ARFGEF3: variants seen among roughly 807,000 people sequenced by gnomAD.
ARFGEF3 encodes ARFGEF family member 3, also known as brefeldin A-inhibited guanine nucleotide-exchange protein 3.
Under a neutral mutation model 221.7 loss-of-function variants are expected in ARFGEF3, and 96 were observed. The observed-to-expected ratio is 0.43, with a 90% CI of 0.37 to 0.51. The LOEUF (loss-of-function observed/expected upper bound fraction) is 0.51. ARFGEF3 is among the 20% of genes least tolerant of loss of function. The pLI is 0.00. For missense variants in ARFGEF3, 2,410 were observed against 2,789.9 expected (o/e 0.86, Z 3.07); for synonymous variants, 1,145 against 1,126.8 (o/e 1.02, Z -0.32).
intron 31 of ARFGEF3, among the ~76,000 whole-genome samples, chr6:138,327,171 T>A (rs1475072009): frequency 6.6e-6 from 1 of 152,160 alleles, no homozygotes; most frequent in East Asian, 1.9e-4. Context: ...AATACCTGGG[T>A]GATGGGATGA....
intron 2 of ARFGEF3, among the ~76,000 whole-genome samples, chr6:138,206,183 A>G (rs2114492068): frequency 6.6e-6 from 1 of 152,364 alleles, no homozygotes; most frequent in South Asian, 2.1e-4. Context: ...GTAACTCCAT[A>G]GGGAAATAAT....
At chr6:138,279,482 A>T (rs1356397137) in intron 13 of ARFGEF3, among the ~76,000 whole-genome samples, 1 of 152,220 alleles carries the variant, frequency 6.6e-6, no homozygotes, top group African/African-American at 2.4e-5. Context: ...GGAGCAAGCC[A>T]CTCCATGGTG....
intron 5 of ARFGEF3, among the ~76,000 whole-genome samples, chr6:138,237,165 A>G (rs1778302299): frequency 6.6e-6 from 1 of 152,210 alleles, no homozygotes; most frequent in African/African-American, 2.4e-5. Context: ...GAGGCCTGGC[A>G]GAAAATTCTC....
chr6:138,218,830 C>A (rs9389573), intron 4 of ARFGEF3, among the ~76,000 whole-genome samples: 12,640 of 152,020 alleles, frequency 0.083, 801 homozygotes, highest in East Asian at 0.36. Flanking sequence ...TGGGGCATAC[C>A]AATGAAATTT....
Position 138,287,143 on chromosome 6 carries a change from A to C in ARFGEF3, c.2855A>C (p.Glu952Ala), listed in dbSNP as rs1312551668. 6.4e-7 allele frequency: 1 copy of C among 1,573,782 alleles called. No individual in the cohort carries two copies. Among genetic ancestry groups the C allele is most frequent in the Non-Finnish European group, 8.6e-7 (1 of 1,159,242 alleles). The change falls in exon 17 of 34, where the codon GAA becomes GCA. Residue 952 changes from glutamate to alanine, a missense_variant. This residue lies in a region of ARFGEF3 where 594 missense variants were observed against 734.3 expected (regional missense o/e 0.81). Coordinates refer to ENST00000251691, the MANE Select transcript of ARFGEF3 (RefSeq NM_020340.5). ...AAASCVQEEK[E>A]EREAQEPSDA... is the part of the protein sequence containing the mutation. The stretch of plus-strand genomic sequence containing the variant: ...GCCTCCTGTGTCCAAGAAGAAAAAG[A>C]AGAGAGGGAGGCCCAAGAACCCAGT...
chr6:138,269,323 G>A (rs556155599), intron 12 of ARFGEF3, among the ~76,000 whole-genome samples: 15 of 152,256 alleles, frequency 9.9e-5, no homozygotes, highest in Non-Finnish European at 1.9e-4. Context: ...AACCAGGAAG[G>A]CATTTATGCC....
At chr6:138,278,817 G>A (rs530146723) in intron 13 of ARFGEF3, among the ~76,000 whole-genome samples, 200 bp downstream of exon 13, 6 of 152,274 alleles carry the variant, frequency 3.9e-5, no homozygotes, top group African/African-American at 9.6e-5. Flanking sequence ...GCCCAGCACC[G>A]TGAGCACAGA....
chr6:138,200,674 T>G (rs1777518538), intron 2 of ARFGEF3, among the ~76,000 whole-genome samples: 1 of 151,912 alleles, frequency 6.6e-6, no homozygotes, highest in African/African-American at 2.4e-5. Context: ...AAAAATCAAC[T>G]CAAGATAGAT....
chr6:138,233,037 G>A (rs982382929), intron 5 of ARFGEF3, among the ~76,000 whole-genome samples: 6 of 152,178 alleles, frequency 3.9e-5, no homozygotes, highest in East Asian at 1.9e-4. Flanking sequence ...GACCTTTACC[G>A]AGGCATTTAG....
intron 4 of ARFGEF3, among the ~76,000 whole-genome samples, chr6:138,212,456 G>A (rs1320415899): frequency 6.6e-6 from 1 of 152,234 alleles, no homozygotes; most frequent in African/African-American, 2.4e-5. Context: ...GGAAGACAGT[G>A]TGGCAATTCC....
intron 7 of ARFGEF3, among the ~76,000 whole-genome samples, chr6:138,243,965 C>T (rs1778439029): frequency 6.6e-6 from 1 of 152,052 alleles, no homozygotes. Flanking sequence ...TCTTCCTTTC[C>T]TCTTTTTGGC....
chr6:138,165,103 A>AG (rs1776698140), intron 1 of ARFGEF3, among the ~76,000 whole-genome samples: 1 of 147,458 alleles, frequency 6.8e-6, no homozygotes, highest in Non-Finnish European at 1.5e-5. Context: ...CCTAGGAGAG[A>AG]GAGGTCATCC....
chr6:138,172,380 G>A (rs1351101342), intron 2 of ARFGEF3, among the ~76,000 whole-genome samples: 1 of 152,088 alleles, frequency 6.6e-6, no homozygotes, highest in Non-Finnish European at 1.5e-5. Flanking sequence ...ACCTTTAACT[G>A]TCACTCTGCT....
At chr6:138,212,372 T>A (rs1009942415) in intron 4 of ARFGEF3, among the ~76,000 whole-genome samples, 6 of 152,010 alleles carry the variant, frequency 3.9e-5, no homozygotes, top group African/African-American at 1.2e-4. Context: ...TACAAAAAAA[T>A]AAAAAAAGTT....
At chr6:138,304,120 A>T (rs1434668511) in intron 22 of ARFGEF3, among the ~76,000 whole-genome samples, 2 of 152,212 alleles carry the variant, frequency 1.3e-5, no homozygotes, top group Non-Finnish European at 2.9e-5. Context: ...TAATGAATAT[A>T]TACATTAAAT....
chr6:138,291,735 T>A lies in ARFGEF3; in HGVS notation c.3050T>A (p.Val1017Glu). 2.2e-6 allele frequency: 3 copies of A among 1,377,740 alleles called. No homozygotes were observed. Among genetic ancestry groups the A allele is most frequent in the Non-Finnish European group, 2.8e-6 (3 of 1,059,030 alleles). 85.3% of individuals were successfully genotyped at this position (1,377,740 alleles called of 1,614,324 possible). A position where few individuals can be genotyped will look rare whatever the true frequency, so the allele number is the denominator to read the frequency against. ...CTGCTTGTCTGTGCTCTTTCTAGGG[T>A]GTGTGAATACGTGGGCACCCTGGAG... is the stretch of plus-strand genomic sequence containing the variant. ...NPDCWPHVFR[V>E]CEYVGTLEHN... The change falls in exon 19 of 34, where the codon GTG becomes GAG. Residue 1017 changes from valine to glutamate, a missense_variant and splice_region_variant. Transcript: ENST00000251691. This position sits in a 1 kb window ranked among gnomAD's most constrained non-coding sequence, Gnocchi z 4.5.
rs538058772 is a variant in ARFGEF3, at chr6:138,337,159, A to T, written c.*673A>T. 2.6e-5 allele frequency: 4 copies of T among 152,802 alleles called. No homozygotes were observed. Among genetic ancestry groups the T allele is most frequent in the African/African-American group, 9.6e-5 (4 of 41,590 alleles). 9.5% of individuals were successfully genotyped at this position (152,802 alleles called of 1,614,324 possible). ...TTTATTTCTGTATTTCTAAAAGAAGAAAGTTCTTTCCTAGCAGGGTTTGAA... is the reference window on the plus strand; with the variant it reads ...TTTATTTCTGTATTTCTAAAAGAAGTAAGTTCTTTCCTAGCAGGGTTTGAA... On this transcript the variant is annotated 3_prime_UTR_variant, in exon 34 of 34. Coordinates refer to ENST00000251691, the MANE Select transcript of ARFGEF3 (RefSeq NM_020340.5).
intron 2 of ARFGEF3, among the ~76,000 whole-genome samples, chr6:138,175,856 A>G (rs1776934999): frequency 6.6e-6 from 1 of 152,136 alleles, no homozygotes; most frequent in African/African-American, 2.4e-5. Context: ...GAAGTCCCCT[A>G]CTATTATTGT....
chr6:138,244,378 G>C (rs946223091), intron 7 of ARFGEF3, among the ~76,000 whole-genome samples: 28 of 152,206 alleles, frequency 1.8e-4, no homozygotes, highest in African/African-American at 6.8e-4. Context: ...GACGTTTACA[G>C]GTTTTTTATT....
Sources: allele counts gnomAD v4.1 joint callset (sites outside exome capture counted in the v4.1 genomes callset), GRCh38; gene constraint gnomAD v4.1.1; regional missense constraint gnomAD v4.1.1; non-coding constraint Gnocchi (gnomAD v3.1); transcripts MANE v1.5; gene names NCBI Gene and HGNC (gene_info 2026-07-23, HGNC 2026-07-21).